Variants in MAD1L1 observed in about 807,000 individuals in gnomAD.
MAD1L1 encodes mitotic spindle assembly checkpoint protein MAD1.
In MAD1L1, 95 loss-of-function variants were observed where a neutral mutation model predicts 96.9. The observed-to-expected ratio is 0.98, with a 90% CI of 0.83 to 1.16. The LOEUF (loss-of-function observed/expected upper bound fraction) is 1.16. MAD1L1 is among the 50% of genes most tolerant of loss of function. MAD1L1 has a pLI of 0.00. For synonymous variants in MAD1L1, 473 were observed against 396.6 expected, an observed-to-expected ratio of 1.19 and a Z score of -2.29; for missense variants, 1,007 against 954.4, an observed-to-expected ratio of 1.06 and a Z score of -0.73.
intron 10 of MAD1L1, among the ~76,000 whole-genome samples, chr7:2,211,687 G>C (rs1230883319): frequency 1.3e-5 from 2 of 152,230 alleles, no homozygotes; most frequent in Non-Finnish European, 2.9e-5. Context: ...TGTTCTACAG[G>C]GGGAGTTCAA....
chr7:1,899,402 G>A (rs1347939802), intron 17 of MAD1L1, among the ~76,000 whole-genome samples: 2 of 152,174 alleles, frequency 1.3e-5, no homozygotes, highest in Non-Finnish European at 2.9e-5. Flanking sequence ...GGGGACGGGA[G>A]CCTGCTGGAC....
chr7:2,016,812 G>A (rs569672121), intron 12 of MAD1L1, among the ~76,000 whole-genome samples: 16 of 152,384 alleles, frequency 1.0e-4, no homozygotes, highest in African/African-American at 3.4e-4. Context: ...AACGGGTCAC[G>A]TATCTGTGGA....
chr7:1,823,773 C>T (rs1782247120), intron 18 of MAD1L1, among the ~76,000 whole-genome samples: 1 of 152,182 alleles, frequency 6.6e-6, no homozygotes, highest in Non-Finnish European at 1.5e-5. Context: ...GAGAAGCACC[C>T]CCTTGTTCCA....
In MAD1L1 at chr7:2,194,790, T is replaced by C. The variant is rs1421018126; in HGVS notation, c.986+18422A>G. Among the ~76,000 whole-genome samples the C allele has an allele frequency of 2.0e-5, 3 of 152,214 alleles. No homozygotes were observed. In the East Asian group the frequency reaches 5.8e-4, roughly 29 times the overall value. On this transcript the variant is annotated intron_variant, in intron 10 of 18. Coordinates refer to ENST00000265854, the MANE Select transcript of MAD1L1 (RefSeq NM_001013836.2). Reference sequence around the variant, plus strand: ...TACCTTTTCTATTATTAAAAGTCTTTGGGCTGGACGCAGTGGCTCATACTG... The same window carrying C: ...TACCTTTTCTATTATTAAAAGTCTTCGGGCTGGACGCAGTGGCTCATACTG...
Position 1,917,420 on chromosome 7 carries a change from A to C in MAD1L1, c.1808-19030T>G, listed in dbSNP as rs529533991. On this transcript the variant is annotated intron_variant, in intron 17 of 18. Transcript: ENST00000265854. ...CAGGGCTGGGTGCCCACCCCGGGTG[A>C]AGGGCGCACCTCCCCTCCAGACAGC... Among the ~76,000 whole-genome samples, 3 of 152,210 alleles carry C rather than the reference A, an allele frequency of 2.0e-5. No individual in the cohort carries two copies. The East Asian group carries it at 5.8e-4, about 29-fold the overall frequency.
At chr7:2,178,928 C>T (rs1172706769) in intron 10 of MAD1L1, among the ~76,000 whole-genome samples, 1 of 151,050 alleles carries the variant, frequency 6.6e-6, no homozygotes, top group East Asian at 1.9e-4. Flanking sequence ...ACTACTATCA[C>T]AAAAGAAAAA....
chr7:2,016,382 T>A (rs1055414062), intron 12 of MAD1L1, among the ~76,000 whole-genome samples: 1 of 152,108 alleles, frequency 6.6e-6, no homozygotes, highest in South Asian at 2.1e-4. Flanking sequence ...AGAGACCAGC[T>A]CACTCAGGCA....
chr7:2,044,244 CTG>C (rs1234546018), intron 12 of MAD1L1, among the ~76,000 whole-genome samples: 2 of 152,254 alleles, frequency 1.3e-5, no homozygotes, highest in Non-Finnish European at 2.9e-5. Flanking sequence ...GCCAACAACA[CTG>C]TGAGGACACG....
chr7:1,910,555 A>C (rs1486133571), intron 17 of MAD1L1, among the ~76,000 whole-genome samples: 1 of 152,174 alleles, frequency 6.6e-6, no homozygotes. Flanking sequence ...TCCATTGGTC[A>C]TTCAGGCTTC....
rs531924521 is a variant in MAD1L1, at chr7:1,976,973, T to C, written c.1505+3480A>G. Among the ~76,000 whole-genome samples, 145 of 152,328 alleles carry C rather than the reference T, an allele frequency of 9.5e-4. 1 individual carries two copies. Among genetic ancestry groups the C allele is most frequent in the Middle Eastern group, 3.4e-3 (1 of 294 alleles). On this transcript the variant is annotated intron_variant, in intron 15 of 18. Coordinates refer to ENST00000265854, the MANE Select transcript of MAD1L1 (RefSeq NM_001013836.2). Reference sequence around the variant, plus strand: ...CCTTTAGCTAGACACAGATTGCTGATTGGTGCATTTACAATCCTCTATCTA... The same window carrying C: ...CCTTTAGCTAGACACAGATTGCTGACTGGTGCATTTACAATCCTCTATCTA...
chr7:1,944,004 A>C (rs1242979230), intron 16 of MAD1L1, among the ~76,000 whole-genome samples: 1 of 152,222 alleles, frequency 6.6e-6, no homozygotes, highest in East Asian at 1.9e-4. Flanking sequence ...ACCTATGACC[A>C]CATGGGTGAA....
intron 10 of MAD1L1, among the ~76,000 whole-genome samples, chr7:2,203,414 T>C (rs1792419126): frequency 6.6e-6 from 1 of 152,238 alleles, no homozygotes; most frequent in Admixed American, 6.5e-5. Flanking sequence ...TCACACGCCG[T>C]GACGGGAGCG....
intron 14 of MAD1L1, among the ~76,000 whole-genome samples, chr7:1,989,034 T>G (rs1033533440): frequency 6.6e-6 from 1 of 152,210 alleles, no homozygotes; most frequent in Non-Finnish European, 1.5e-5. Flanking sequence ...CTAGAACACA[T>G]GAAGACTTAC....
chr7:2,097,285 G>A (rs748805679), intron 11 of MAD1L1, among the ~76,000 whole-genome samples: 3 of 152,118 alleles, frequency 2.0e-5, no homozygotes, highest in African/African-American at 4.8e-5. Flanking sequence ...CCTTGTTTCC[G>A]GGACACACAA....
chr7:1,978,681 G>A (rs1178278366), intron 15 of MAD1L1, among the ~76,000 whole-genome samples: 1 of 152,058 alleles, frequency 6.6e-6, no homozygotes, highest in Non-Finnish European at 1.5e-5. Context: ...CACTTCCAGG[G>A]GGAGACATCC....
chr7:2,010,392 C>T (rs1477928222), intron 13 of MAD1L1, among the ~76,000 whole-genome samples: 1 of 152,166 alleles, frequency 6.6e-6, no homozygotes, highest in Non-Finnish European at 1.5e-5. Context: ...GGGGATTCTC[C>T]ACACACCTCC....
At position 2,014,708 on chromosome 7, in the gene MAD1L1, C is replaced by T. The variant is rs1782457186; in HGVS notation, c.1219-66G>A. Reference sequence around the variant, plus strand: ...GGATGAGGTAATGATGGAGACGGCTCAGGGAAGGCCCCACGAGAGCTGGGT... The same window carrying T: ...GGATGAGGTAATGATGGAGACGGCTTAGGGAAGGCCCCACGAGAGCTGGGT... On this transcript the variant is annotated intron_variant, in intron 12 of 18. Transcript: ENST00000265854. 2.0e-6 allele frequency: 3 copies of T among 1,509,180 alleles called. No homozygotes were observed. In the African/African-American group the frequency reaches 4.1e-5, roughly 21 times the overall value. The allele number at this position is 1,509,180 out of a possible 1,614,324, so 93.5% of individuals were successfully genotyped here.
chr7:1,921,731 G>A (rs944332670), intron 17 of MAD1L1, among the ~76,000 whole-genome samples: 1 of 152,116 alleles, frequency 6.6e-6, no homozygotes, highest in African/African-American at 2.4e-5. Context: ...ATACAGACCC[G>A]ATTTTGCCTA....
In MAD1L1 at chr7:1,863,776, C is replaced by T. The variant is rs182766913; in HGVS notation, c.1998+34424G>A. ...TGCTCCTGCAGCCCCGTCAGGCACC[C>T]GGGGGCCCAAGGATAGAAAGCCCCG... On this transcript the variant is annotated intron_variant, in intron 18 of 18. Coordinates refer to ENST00000265854, the MANE Select transcript of MAD1L1 (RefSeq NM_001013836.2). Among the ~76,000 whole-genome samples, 47 of 152,100 alleles carry T rather than the reference C, an allele frequency of 3.1e-4. No homozygotes were observed. The East Asian group carries it at 7.0e-3, about 23-fold the overall frequency.
Sources: allele counts gnomAD v4.1 joint callset (sites outside exome capture counted in the v4.1 genomes callset), GRCh38; gene constraint gnomAD v4.1.1; transcripts MANE v1.5; gene names NCBI Gene and HGNC (gene_info 2026-07-23, HGNC 2026-07-21).